Variants in PCDHA4 observed in about 807,000 individuals in gnomAD.
The protein encoded by PCDHA4 is protocadherin alpha 4.
PCDHA4 carries 49 observed loss-of-function variants against 61.4 expected under a neutral mutation model. The ratio of observed to expected loss-of-function variants is 0.80; its 90% CI spans 0.63 to 1.01. The LOEUF (loss-of-function observed/expected upper bound fraction) is 1.01. Ranked by LOEUF, PCDHA4 falls within the 50% of genes least tolerant of loss-of-function variation. The pLI is 0.00. For synonymous variants in PCDHA4, 590 were observed against 550.3 expected, an observed-to-expected ratio of 1.07 and a Z score of -1.01; for missense variants, 1,254 against 1,235.8, an observed-to-expected ratio of 1.01 and a Z score of -0.22.
chr5:140,970,967 G>C (rs2096448125), intron 1 of PCDHA4, among the ~76,000 whole-genome samples: 2 of 152,206 alleles, frequency 1.3e-5, no homozygotes, highest in Non-Finnish European at 2.9e-5. Context: ...GCAGATTGTA[G>C]ATTAAGAAAA....
chr5:140,851,414 T>G lies in PCDHA4; in HGVS notation c.2385+41842T>G, dbSNP rs1459113543. ...TCTATTATTTTAATAAGAAAGAAAC[T>G]TCCCCTAAACTTTAGAAAACAGTTG... On this transcript the variant is annotated intron_variant, in intron 1 of 3. Transcript: ENST00000530339. 11 of 961,418 alleles carry G rather than the reference T, an allele frequency of 1.1e-5. No individual in the cohort carries two copies. In the East Asian group the frequency reaches 1.2e-3, roughly 108 times the overall value. 59.6% of individuals were successfully genotyped at this position (961,418 alleles called of 1,614,324 possible). A position where few individuals can be genotyped will look rare whatever the true frequency, so the allele number is the denominator to read the frequency against.
Position 140,807,982 on chromosome 5 carries a change from C to G in PCDHA4, c.795C>G (p.Asn265Lys). 2 of 1,613,432 alleles carry G rather than the reference C, an allele frequency of 1.2e-6. No individual in the cohort carries two copies. The highest frequency in any genetic ancestry group is 1.7e-6 in the Non-Finnish European group (2 of 1,179,400). The change falls in exon 1 of 4, where the codon AAC becomes AAG. Residue 265 changes from asparagine (N) to lysine (K), a missense_variant. Coordinates refer to ENST00000530339, the MANE Select transcript of PCDHA4 (RefSeq NM_018907.4). ...VPNGTLVIKLNASDLDEGLNG... is the reference protein window; with the variant it reads ...VPNGTLVIKLKASDLDEGLNG... Reference sequence around the variant, plus strand: ...ATGGAACATTGGTAATTAAACTTAACGCCTCAGATTTAGACGAAGGATTGA... The same window carrying G: ...ATGGAACATTGGTAATTAAACTTAAGGCCTCAGATTTAGACGAAGGATTGA...
intron 1 of PCDHA4, among the ~76,000 whole-genome samples, chr5:140,940,230 T>C (rs1554213224): frequency 6.6e-6 from 1 of 152,212 alleles, no homozygotes; most frequent in Non-Finnish European, 1.5e-5. Flanking sequence ...TTCATTTTGG[T>C]ACATTAAAGT....
At chr5:140,843,069 G>T in intron 1 of PCDHA4, 1 of 1,595,314 alleles carries the variant, frequency 6.3e-7, no homozygotes, top group South Asian at 1.1e-5. Flanking sequence ...CTGGTGCCGC[G>T]GTCTGTGGGC....
At chr5:140,858,045 T>A (rs2150410176) in intron 1 of PCDHA4, 2 of 1,597,338 alleles carry the variant, frequency 1.3e-6, no homozygotes, top group Non-Finnish European at 1.7e-6. Flanking sequence ...ACTGTGCTTG[T>A]GTCGCTTGTG....
chr5:140,883,508 G>C (rs939760233), intron 1 of PCDHA4: 19 of 1,614,202 alleles, frequency 1.2e-5, no homozygotes, highest in Non-Finnish European at 1.5e-5. Flanking sequence ...CAGCGCCCTG[G>C]ACCGCGAGAG....
At chr5:140,875,790 G>A (rs376091049) in intron 1 of PCDHA4, 1 of 1,614,214 alleles carries the variant, frequency 6.2e-7, no homozygotes, top group Non-Finnish European at 8.5e-7. Flanking sequence ...GTATCCACCT[G>A]GAGGTGATCG....
chr5:140,879,671 G>T (rs1442617511), intron 1 of PCDHA4, among the ~76,000 whole-genome samples: 3 of 152,210 alleles, frequency 2.0e-5, no homozygotes, highest in Admixed American at 1.3e-4. Context: ...AACACAAACT[G>T]GGTGCTGTAA....
chr5:140,835,731 G>A, intron 1 of PCDHA4: 3 of 1,613,790 alleles, frequency 1.9e-6, no homozygotes, highest in Non-Finnish European at 2.5e-6. Flanking sequence ...CGACGTGAAC[G>A]ACAACGCCCC....
chr5:140,967,903 A>G, intron 1 of PCDHA4: 1 of 1,614,112 alleles, frequency 6.2e-7, no homozygotes, highest in African/African-American at 1.3e-5. Context: ...AGAATGCTAC[A>G]CCCAACACCA....
chr5:140,884,433 G>T, intron 1 of PCDHA4: 1 of 1,613,908 alleles, frequency 6.2e-7, no homozygotes, highest in Admixed American at 1.7e-5. Context: ...ACTGCGCTGC[G>T]GTGCTCGGCA....
chr5:140,835,821 G>A lies in PCDHA4; in HGVS notation c.2385+26249G>A, dbSNP rs2150245813. ...CTGCCACATCTTCACTGTGTCGGCG[G>A]GGGACGCGGACGCGCAGAAGAACGC... is the stretch of plus-strand genomic sequence containing the variant. On this transcript the variant is annotated intron_variant, in intron 1 of 3. Transcript: ENST00000530339. The A allele has an allele frequency of 1.9e-6, 3 of 1,612,596 alleles. No homozygotes were observed. In the African/African-American group the frequency reaches 4.0e-5, roughly 22 times the overall value.
chr5:140,972,758 A>G lies in PCDHA4; in HGVS notation c.2386-6191A>G, dbSNP rs563540989. Among the ~76,000 whole-genome samples, 16 of 150,884 alleles carry G rather than the reference A, an allele frequency of 1.1e-4. No individual in the cohort carries two copies. In the South Asian group the frequency reaches 3.4e-3, roughly 32 times the overall value. On this transcript the variant is annotated intron_variant, in intron 1 of 3. Transcript: ENST00000530339. ...GGCTCACTGCAACCTCCGCCTCCCA[A>G]GTTAAAGTGATTCTTCTGCCTCAGC...
At chr5:140,896,894 T>A (rs1317627647) in intron 1 of PCDHA4, among the ~76,000 whole-genome samples, 6 of 152,208 alleles carry the variant, frequency 3.9e-5, no homozygotes, top group Admixed American at 2.0e-4. Context: ...TGAGACATTT[T>A]GATACAAGCA....
intron 1 of PCDHA4, among the ~76,000 whole-genome samples, chr5:140,846,539 TA>T: frequency 6.7e-6 from 1 of 148,618 alleles, no homozygotes; most frequent in Middle Eastern, 3.5e-3. Context: ...CATGCCCTGC[TA>T]ATTTTTTGTA....
chr5:140,848,335 G>GA (rs1397782811), intron 1 of PCDHA4: 5 of 865,392 alleles, frequency 5.8e-6, no homozygotes, highest in South Asian at 1.7e-5. Flanking sequence ...TCTGAATCCA[G>GA]ACAAATACAG....
In PCDHA4 at chr5:140,839,562, G is replaced by A. The variant is rs150033615; in HGVS notation, c.2385+29990G>A. 3.5e-3 allele frequency among the ~76,000 whole-genome samples: 533 copies of A among 151,978 alleles called. 7 individuals carry two copies. The highest frequency in any genetic ancestry group is 0.012 in the African/African-American group (497 of 41,442). ...ACACCACCATGCCCAACTAATTTTT[G>A]TATTTTTTGTAGAGATGGGGTCTTA... On this transcript the variant is annotated intron_variant, in intron 1 of 3. Coordinates refer to ENST00000530339, the MANE Select transcript of PCDHA4 (RefSeq NM_018907.4).
intron 3 of PCDHA4, among the ~76,000 whole-genome samples, chr5:141,005,701 CAAAAAAAAAA>C (rs59860837): frequency 9.0e-4 from 7 of 7,792 alleles, no homozygotes; most frequent in East Asian, 6.4e-3. Context: ...AACTCCGTCT[CAAAAAAAAAA>C]AAAAAAAAAA....
chr5:140,826,340 CCCTTT>C (rs1437907003), intron 1 of PCDHA4, among the ~76,000 whole-genome samples: 2 of 152,002 alleles, frequency 1.3e-5, no homozygotes, highest in African/African-American at 4.8e-5. Flanking sequence ...AGAAATTGAA[CCCTTT>C]GTTTGCCCAA....
Sources: allele counts gnomAD v4.1 joint callset (sites outside exome capture counted in the v4.1 genomes callset), GRCh38; gene constraint gnomAD v4.1.1; transcripts MANE v1.5; gene names NCBI Gene and HGNC (gene_info 2026-07-23, HGNC 2026-07-21).